Variants in ZNF223 observed in about 807,000 individuals in gnomAD.
ZNF223 encodes the protein Homo sapiens zinc finger protein 223.
Under a neutral mutation model 12.3 loss-of-function variants are expected in ZNF223, and 9 were observed. The ratio of observed to expected loss-of-function variants is 0.73; its 90% CI spans 0.44 to 1.28. The LOEUF is 1.28. ZNF223 is among the 50% of genes most tolerant of loss of function. The pLI, the probability that ZNF223 is intolerant of heterozygous loss-of-function variation, is 0.00. For synonymous variants in ZNF223, 171 were observed against 195.2 expected (o/e 0.88, Z 1.03); for missense variants, 506 against 579.0 (o/e 0.87, Z 1.29).
rs866813938 is a variant in ZNF223 at position 44,056,765 on chromosome 19, T to A, written c.15+1574T>A. On this transcript the variant is annotated intron_variant, in intron 2 of 4. Coordinates refer to ENST00000434772, the MANE Select transcript of ZNF223 (RefSeq NM_013361.6). Reference sequence around the variant, plus strand: ...CCCGCCACCACACACCCGGCTAATTTTTTTGTGTGTTTTTAGTAGAGACGG... The same window carrying A: ...CCCGCCACCACACACCCGGCTAATTATTTTGTGTGTTTTTAGTAGAGACGG... Among the ~76,000 whole-genome samples the A allele has an allele frequency of 2.7e-4, 41 of 151,320 alleles. No homozygotes were observed. The Middle Eastern group carries it at 0.02, about 75-fold the overall frequency.
At chr19:44,060,368 C>A in intron 2 of ZNF223, 87 bp from the exon 3 acceptor site, 1 of 1,555,446 alleles carries the variant, frequency 6.4e-7, no homozygotes, top group East Asian at 2.3e-5. Context: ...AAAAACTTTC[C>A]ATTTTTCCTC....
chr19:44,054,662 A>C (rs1450247421), intron 1 of ZNF223, among the ~76,000 whole-genome samples: 3 of 152,198 alleles, frequency 2.0e-5, no homozygotes, highest in Non-Finnish European at 4.4e-5. Context: ...AGCCGAGATC[A>C]CTTTCATCCC....
chr19:44,061,716 T>C (rs984813985), intron 4 of ZNF223, among the ~76,000 whole-genome samples: 1 of 152,268 alleles, frequency 6.6e-6, no homozygotes, highest in African/African-American at 2.4e-5. Context: ...TCCTGAAGGC[T>C]GGATGTGGAC....
intron 4 of ZNF223, 74 bp from the exon 5 acceptor site, chr19:44,065,990 T>A (rs1021036536): frequency 1.3e-6 from 2 of 1,514,694 alleles, no homozygotes; most frequent in Non-Finnish European, 1.8e-6. Context: ...TCATACCATG[T>A]CCTAAGTGTG....
chr19:44,065,959 A>T, intron 4 of ZNF223, 105 bp from the exon 5 acceptor site: 1 of 1,486,308 alleles, frequency 6.7e-7, no homozygotes. Flanking sequence ...GGAAAACACA[A>T]ACTGAACATT....
intron 2 of ZNF223, among the ~76,000 whole-genome samples, chr19:44,056,742 C>T (rs563441649): frequency 1.3e-5 from 2 of 151,220 alleles, no homozygotes; most frequent in Admixed American, 6.6e-5. Context: ...TACAGGCGCC[C>T]GCCACCACAC....
intron 1 of ZNF223, among the ~76,000 whole-genome samples, chr19:44,054,420 G>A (rs1430996740): frequency 6.6e-6 from 1 of 151,780 alleles, no homozygotes; most frequent in African/African-American, 2.4e-5. Context: ...GCATTTTCTT[G>A]TAAAAAAGAG....
Position 44,066,807 on chromosome 19 carries a change from C to T in ZNF223, c.979C>T (p.Arg327Cys), listed in dbSNP as rs372583503. 21 of 1,613,992 alleles carry T rather than the reference C, an allele frequency of 1.3e-5. No homozygotes were observed. The highest frequency in any genetic ancestry group is 1.4e-5 in the Non-Finnish European group (17 of 1,180,040). Reference sequence around the variant, plus strand: ...TGGGGAATATGGAAAAGGCTTCATTCGTAGGCTGGATTTGTGTAAGCATCA... The same window carrying T: ...TGGGGAATATGGAAAAGGCTTCATTTGTAGGCTGGATTTGTGTAAGCATCA... ...STGEYGKGFI[R>C]RLDLCKHQTI... is the part of the protein sequence containing the mutation. Residue 327 changes from arginine to cysteine, a missense_variant, in exon 5 of 5, where the codon CGT becomes TGT. Coordinates refer to ENST00000434772, the MANE Select transcript of ZNF223 (RefSeq NM_013361.6).
intron 4 of ZNF223, chr19:44,063,546 C>A (rs148956733): frequency 1.3e-5 from 2 of 152,208 alleles, no homozygotes; most frequent in Non-Finnish European, 2.9e-5. Context: ...AGGTGATGAA[C>A]GCAGAAGACT....
At chr19:44,063,820 G>A (rs989107434) in intron 4 of ZNF223, among the ~76,000 whole-genome samples, 3 of 152,110 alleles carry the variant, frequency 2.0e-5, no homozygotes, top group Non-Finnish European at 2.9e-5. Context: ...TGGCAGGCAG[G>A]CCAAAAAAAG....
chr19:44,059,329 C>A (rs1976807607), intron 2 of ZNF223, among the ~76,000 whole-genome samples: 1 of 152,188 alleles, frequency 6.6e-6, no homozygotes, highest in African/African-American at 2.4e-5. Context: ...ATTCTGCTGC[C>A]TTACACCAGT....
intron 2 of ZNF223, among the ~76,000 whole-genome samples, chr19:44,056,745 C>T (rs1028151042): frequency 8.6e-5 from 13 of 151,534 alleles, no homozygotes; most frequent in Admixed American, 7.2e-4. Flanking sequence ...AGGCGCCCGC[C>T]ACCACACACC....
rs201824392 is a variant in ZNF223 at position 44,066,785 on chromosome 19, G to T, written c.957G>T (p.Gly319=). 2 of 1,614,012 alleles carry T rather than the reference G, an allele frequency of 1.2e-6. No individual in the cohort carries two copies. Among genetic ancestry groups the T allele is most frequent in the East Asian group, 4.5e-5 (2 of 44,888 alleles). ...VHTGKKPNST[G]EYGKGFIRRL... is the part of the protein sequence containing the mutation. Reference sequence around the variant, plus strand: ...CAGGAAAGAAACCAAACAGCACTGGGGAATATGGAAAAGGCTTCATTCGTA... The same window carrying T: ...CAGGAAAGAAACCAAACAGCACTGGTGAATATGGAAAAGGCTTCATTCGTA... The change falls in exon 5 of 5, where the codon GGG becomes GGT. Residue 319 remains glycine, a synonymous_variant. Transcript: ENST00000434772.
chr19:44,062,786 T>G (rs933406980), intron 4 of ZNF223, among the ~76,000 whole-genome samples: 2 of 152,240 alleles, frequency 1.3e-5, no homozygotes, highest in African/African-American at 4.8e-5. Context: ...TTGAGAGATT[T>G]ACCCATCTGC....
intron 4 of ZNF223, 95 bp from the exon 5 acceptor site, chr19:44,065,969 T>C: frequency 6.7e-7 from 1 of 1,494,470 alleles, no homozygotes; most frequent in South Asian, 1.4e-5. Flanking sequence ...AACTGAACAT[T>C]CGTTGAAGTT....
intron 4 of ZNF223, among the ~76,000 whole-genome samples, chr19:44,061,660 C>T (rs1175147664): frequency 1.3e-5 from 2 of 152,232 alleles, no homozygotes; most frequent in Non-Finnish European, 2.9e-5. Flanking sequence ...TCAATGACAT[C>T]TGCAGCCTTA....
At chr19:44,060,604 A>G in intron 3 of ZNF223, 23 bp downstream of exon 3, 1 of 1,613,862 alleles carries the variant, frequency 6.2e-7, no homozygotes. Flanking sequence ...ATCTTCTATA[A>G]GGGAATGTCA....
At chr19:44,064,269 A>T (rs1413127914) in intron 4 of ZNF223, among the ~76,000 whole-genome samples, 1 of 152,204 alleles carries the variant, frequency 6.6e-6, no homozygotes, top group Non-Finnish European at 1.5e-5. Flanking sequence ...ACAGTTAAAA[A>T]GGCCTGTTTA....
At position 44,066,229 on chromosome 19, in the gene ZNF223, T is replaced by C. The variant is rs761535737; in HGVS notation, c.401T>C (p.Val134Ala). 3 of 1,614,234 alleles carry C rather than the reference T, an allele frequency of 1.9e-6. No homozygotes were observed. The highest frequency in any genetic ancestry group is 2.5e-6 in the Non-Finnish European group (3 of 1,180,048). ...FFEQGDAHSQVEEGLSIMHTG... is the reference protein window; with the variant it reads ...FFEQGDAHSQAEEGLSIMHTG... ...GAACAGGGTGATGCCCACTCCCAGG[T>C]TGAGGAAGGACTATCTATAATGCAC... Residue 134 changes from valine to alanine, a missense_variant, in exon 5 of 5, where the codon GTT (valine) becomes GCT (alanine). Physicochemically the swap from Val to Ala is moderately conservative, Grantham distance 64. Transcript: ENST00000434772.
Sources: gnomAD v4.1 joint callset for allele counts (sites outside exome capture counted in the v4.1 genomes callset) on GRCh38, gnomAD v4.1.1 for gene constraint, MANE v1.5 for transcripts, NCBI Gene and HGNC (gene_info 2026-07-23, HGNC 2026-07-21) for gene names.